SDK2: variants seen among roughly 807,000 people sequenced by gnomAD.
The protein encoded by SDK2 is sidekick cell adhesion molecule 2.
SDK2 carries 105 observed loss-of-function variants against 253.9 expected under a neutral mutation model. The observed-to-expected ratio is 0.41, with a 90% confidence interval of 0.35 to 0.49. The LOEUF (loss-of-function observed/expected upper bound fraction) is 0.49. Ranked by LOEUF, SDK2 falls within the 20% of genes least tolerant of loss-of-function variation. SDK2 has a pLI of 0.06. For synonymous variants in SDK2, 1,249 were observed against 1,234.9 expected, an observed-to-expected ratio of 1.01 and a Z score of -0.24; for missense variants, 2,608 against 3,003.0, an observed-to-expected ratio of 0.87 and a Z score of 3.07.
Position 73,496,073 on chromosome 17 carries a change from G to T in SDK2, c.224+11365C>A, listed in dbSNP as rs975568597. Among the ~76,000 whole-genome samples, 2 of 152,278 alleles carry T rather than the reference G, an allele frequency of 1.3e-5. No individual in the cohort carries two copies. The highest frequency in any genetic ancestry group is 4.8e-5 in the African/African-American group (2 of 41,562). On this transcript the variant is annotated intron_variant, in intron 2 of 44. Coordinates refer to ENST00000392650, the MANE Select transcript of SDK2 (RefSeq NM_001144952.2). The surrounding 1 kb of genome is among the most constrained non-coding windows in gnomAD (Gnocchi z 4.7). The stretch of plus-strand genomic sequence containing the variant: ...AGGAAAAGGAACCTGGACTTCCCGG[G>T]AGGGTGGGAAGGAACCGTGGCCAGG...
intron 1 of SDK2, among the ~76,000 whole-genome samples, chr17:73,595,902 C>T (rs913408009): frequency 1.1e-4 from 16 of 151,734 alleles, no homozygotes; most frequent in Admixed American, 6.6e-4. Flanking sequence ...TAGAAGCAGC[C>T]ATCAAGCAGC....
intron 36 of SDK2, among the ~76,000 whole-genome samples, chr17:73,375,045 C>T (rs568091463): frequency 6.6e-6 from 1 of 152,100 alleles, no homozygotes; most frequent in Non-Finnish European, 1.5e-5. Flanking sequence ...GCTTTCCCAT[C>T]TCCCATTGCG....
chr17:73,524,039 T>C (rs1427042367), intron 1 of SDK2, among the ~76,000 whole-genome samples: 1 of 152,200 alleles, frequency 6.6e-6, no homozygotes, highest in African/African-American at 2.4e-5. Context: ...CCAGGCTCTG[T>C]GATCATCCCT....
intron 1 of SDK2, among the ~76,000 whole-genome samples, chr17:73,596,665 G>A (rs751394713): frequency 4.6e-5 from 7 of 152,056 alleles, no homozygotes; most frequent in Non-Finnish European, 8.8e-5. Flanking sequence ...ACCCCCAGAA[G>A]GGAGATGAGG....
At chr17:73,624,733 C>T (rs952353301) in intron 1 of SDK2, among the ~76,000 whole-genome samples, 1 of 152,170 alleles carries the variant, frequency 6.6e-6, no homozygotes, top group African/African-American at 2.4e-5. Context: ...CCGCTCTCAG[C>T]CACTCAAGGA....
rs2063681212 is a variant in SDK2, at chr17:73,475,632, T to C, written c.225-3414A>G. On this transcript the variant is annotated intron_variant, in intron 2 of 44. Coordinates refer to ENST00000392650, the MANE Select transcript of SDK2 (RefSeq NM_001144952.2). Reference sequence around the variant, plus strand: ...GCAGCCACAGAATGAACACATGTTATGAGAGGAGGTAGGAAGGTGTCCAAG... The same window carrying C: ...GCAGCCACAGAATGAACACATGTTACGAGAGGAGGTAGGAAGGTGTCCAAG... Among the ~76,000 whole-genome samples, 3 of 152,256 alleles carry C rather than the reference T, an allele frequency of 2.0e-5. No homozygotes were observed. In the South Asian group the frequency reaches 6.2e-4, roughly 32 times the overall value.
At chr17:73,357,912 GCCC>G in intron 40 of SDK2, 164 bp downstream of exon 40, 6 of 1,045,790 alleles carry the variant, frequency 5.7e-6, no homozygotes, top group Non-Finnish European at 8.8e-6. Flanking sequence ...AGCTCTAGGA[GCCC>G]CCCAACCCAG....
At chr17:73,432,118 G>A (rs906433598) in intron 10 of SDK2, among the ~76,000 whole-genome samples, 6 of 152,002 alleles carry the variant, frequency 3.9e-5, no homozygotes, top group African/African-American at 4.8e-5. Flanking sequence ...AGAGAGTGAA[G>A]GGAAGTGACG....
At chr17:73,466,728 G>GCCCC (rs1555584446) in intron 3 of SDK2, among the ~76,000 whole-genome samples, 1 of 75,642 alleles carries the variant, frequency 1.3e-5, no homozygotes, top group East Asian at 3.2e-4. Flanking sequence ...CCCCCCCCCC[G>GCCCC]GCTTAGGCTC....
chr17:73,383,508 C>T lies in SDK2; in HGVS notation c.4705+368G>A, dbSNP rs1004315866. On this transcript the variant is annotated intron_variant, in intron 33 of 44. Transcript: ENST00000392650. This position sits in a 1 kb window ranked among gnomAD's most constrained non-coding sequence, Gnocchi z 4.3. ...CGTCCCTTTGTCCTGGTTAACTTGG[C>T]ATCATCCTTCCGTGTTAGCGCCAGT... Among the ~76,000 whole-genome samples the T allele has an allele frequency of 6.6e-6, 1 of 152,216 alleles. No homozygotes were observed. The highest frequency in any genetic ancestry group is 2.4e-5 in the African/African-American group (1 of 41,458).
chr17:73,559,415 A>G (rs1178126746), intron 1 of SDK2, among the ~76,000 whole-genome samples: 3 of 152,250 alleles, frequency 2.0e-5, no homozygotes, highest in East Asian at 3.8e-4. Context: ...TAGACGATAT[A>G]ACAATTACAT....
chr17:73,423,640 A>C, intron 13 of SDK2, 118 bp from the exon 14 acceptor site: 1 of 1,242,386 alleles, frequency 8.0e-7, no homozygotes, highest in Non-Finnish European at 1.1e-6. Context: ...CTTAGACGTA[A>C]AATGTGGCCT....
chr17:73,436,651 G>A (rs1195421693), intron 8 of SDK2, among the ~76,000 whole-genome samples: 1 of 148,562 alleles, frequency 6.7e-6, no homozygotes, highest in Non-Finnish European at 1.5e-5. Context: ...AGCACCCCAC[G>A]GCCCTGTCCC....
chr17:73,412,122 GTATA>G (rs1568389579), intron 18 of SDK2, among the ~76,000 whole-genome samples: 2 of 32,982 alleles, frequency 6.1e-5, no homozygotes, highest in Non-Finnish European at 1.2e-4. Context: ...ATATGTATAC[GTATA>G]TATGTGTATG....
chr17:73,577,135 G>A (rs2045468485), intron 1 of SDK2, among the ~76,000 whole-genome samples: 1 of 152,170 alleles, frequency 6.6e-6, no homozygotes, highest in African/African-American at 2.4e-5. Flanking sequence ...TGGAATGACT[G>A]TCCTGGAAGC....
chr17:73,464,058 T>C (rs2063581850), intron 3 of SDK2, among the ~76,000 whole-genome samples: 2 of 152,200 alleles, frequency 1.3e-5, no homozygotes, highest in Admixed American at 1.3e-4. Flanking sequence ...GGTACTTTGT[T>C]GTGGTTTTAT....
At chr17:73,546,291 C>T (rs1014618468) in intron 1 of SDK2, among the ~76,000 whole-genome samples, 2 of 152,252 alleles carry the variant, frequency 1.3e-5, no homozygotes, top group Non-Finnish European at 2.9e-5. Flanking sequence ...TTAGCTGACA[C>T]GTCTGTGAAC....
At chr17:73,522,107 A>G (rs1378713050) in intron 1 of SDK2, among the ~76,000 whole-genome samples, 1 of 152,212 alleles carries the variant, frequency 6.6e-6, no homozygotes, top group African/African-American at 2.4e-5. Context: ...GCAGGTCCAC[A>G]TTAAAGGTTT....
At chr17:73,386,385 C>T in intron 31 of SDK2, 60 bp downstream of exon 31, 2 of 1,237,704 alleles carry the variant, frequency 1.6e-6, no homozygotes, top group South Asian at 2.6e-5. Flanking sequence ...AAGAAAATGC[C>T]CCATGCCCAG....
Sources: allele counts gnomAD v4.1 joint callset (sites outside exome capture counted in the v4.1 genomes callset), GRCh38; gene constraint gnomAD v4.1.1; non-coding constraint Gnocchi (gnomAD v3.1); transcripts MANE v1.5; gene names NCBI Gene and HGNC (gene_info 2026-07-23, HGNC 2026-07-21).